The following PLCH2 variants were observed in gnomAD, a reference collection of about 807,000 sequenced individuals.
PLCH2 encodes 1-phosphatidylinositol 4,5-bisphosphate phosphodiesterase eta-2.
In PLCH2, 98 loss-of-function variants were observed where a neutral mutation model predicts 134.7. The observed-to-expected ratio is 0.73, with a 90% CI of 0.62 to 0.86. PLCH2 has a LOEUF of 0.86. PLCH2 is among the 40% of genes least tolerant of loss of function. The pLI is 0.00. For synonymous variants in PLCH2, 974 were observed against 827.5 expected (o/e 1.18, Z -3.04); for missense variants, 1,994 against 1,986.6 (o/e 1.00, Z -0.07).
chr1:2,435,939 T>TTCCTCCCTCCTCTCC (rs1323438163), intron 2 of PLCH2, among the ~76,000 whole-genome samples: 8 of 148,018 alleles, frequency 5.4e-5, no homozygotes, highest in South Asian at 2.2e-4. Flanking sequence ...CCCTCCTCCC[T>TTCCTCCCTCCTCTCC]TCCTCCCTCC....
In PLCH2 at chr1:2,504,114, C is replaced by T; in HGVS notation, c.3152C>T (p.Pro1051Leu). ...VASPLEDTEE[P>L]RDSRPRPCNG... The stretch of plus-strand genomic sequence containing the variant: ...AGCCCCCTAGAGGACACTGAGGAGC[C>T]CCGAGACAGCAGGCCTCGGCCGTGC... Residue 1051 changes from proline (P) to leucine (L), a missense_variant, in exon 22 of 22, where the codon CCC becomes CTC. Transcript: ENST00000378486. The T allele has an allele frequency of 6.6e-7, 1 of 1,524,748 alleles. No homozygotes were observed. The highest frequency in any genetic ancestry group is 8.8e-7 in the Non-Finnish European group (1 of 1,136,376). The allele number at this position is 1,524,748 out of a possible 1,614,324, so 94.5% of individuals were successfully genotyped here.
chr1:2,473,801 C>T (rs567986769), upstream of PLCH2, among the ~76,000 whole-genome samples: 17 of 152,238 alleles, frequency 1.1e-4, no homozygotes, highest in African/African-American at 3.9e-4. Flanking sequence ...TGAGCCAGGG[C>T]CCTCCTCTCC....
At chr1:2,420,786 C>G in the PLCH2 span, among the ~76,000 whole-genome samples, 6 of 152,328 alleles carry the variant, frequency 3.9e-5, no homozygotes, top group South Asian at 1.2e-3. Flanking sequence ...TCGATCGATT[C>G]ATTGCCTTTA....
chr1:2,432,645 G>A (rs1251164604), intron 2 of PLCH2, among the ~76,000 whole-genome samples: 1 of 152,174 alleles, frequency 6.6e-6, no homozygotes, highest in Non-Finnish European at 1.5e-5. Flanking sequence ...GGCATGATGA[G>A]GGTCTGAGCT....
intron 1 of PLCH2, among the ~76,000 whole-genome samples, chr1:2,471,056 C>T (rs369136439): frequency 1.3e-4 from 19 of 150,950 alleles, no homozygotes; most frequent in African/African-American, 3.7e-4. Flanking sequence ...GGGGGGCACT[C>T]GCGGTGGGGG....
chr1:2,437,691 C>A (rs142930676), intron 2 of PLCH2, among the ~76,000 whole-genome samples: 3 of 152,238 alleles, frequency 2.0e-5, no homozygotes, highest in Non-Finnish European at 2.9e-5. Flanking sequence ...CACATGCACA[C>A]GCACACACGA....
At chr1:2,449,542 C>T (rs1031889927) in intron 2 of PLCH2, among the ~76,000 whole-genome samples, 3 of 152,044 alleles carry the variant, frequency 2.0e-5, no homozygotes, top group African/African-American at 7.3e-5. Flanking sequence ...AACCAGCAAA[C>T]CAGGGTGTCA....
intron 4 of PLCH2, among the ~76,000 whole-genome samples, chr1:2,483,115 A>T (rs1267626926): frequency 2.0e-5 from 3 of 152,208 alleles, no homozygotes; most frequent in Non-Finnish European, 4.4e-5. Flanking sequence ...TGGTGGATGC[A>T]GCACCTCCTC....
At chr1:2,454,261 G>A (rs1053324937) in intron 2 of PLCH2, among the ~76,000 whole-genome samples, 3 of 152,258 alleles carry the variant, frequency 2.0e-5, no homozygotes, top group Non-Finnish European at 2.9e-5. Context: ...CCAGTTCCCC[G>A]ATGGCCAGTG....
In PLCH2 at chr1:2,496,864, C is replaced by T; in HGVS notation, c.1970C>T (p.Thr657Ile). 6.2e-7 allele frequency: 1 copy of T among 1,612,678 alleles called. No homozygotes were observed. Among genetic ancestry groups the T allele is most frequent in the Non-Finnish European group, 8.5e-7 (1 of 1,179,608 alleles). Residue 657 changes from threonine to isoleucine, a missense_variant, in exon 15 of 22, where the codon ACC becomes ATC. By Grantham distance (89) the Thr-to-Ile change is moderately conservative (BLOSUM62 -1). Coordinates refer to ENST00000378486, the MANE Select transcript of PLCH2 (RefSeq NM_014638.4). ...SSWQVSSFSE[T>I]KAHQILQQKP... ...TGGCAGGTGTCGTCCTTCAGCGAGA[C>T]CAAGGCCCACCAGATTCTGCAGCAG... is the stretch of plus-strand genomic sequence containing the variant.
rs547425261 is a variant in PLCH2 at position 2,450,184 on chromosome 1, C to T, written c.115+19555C>T. ...TGTCCCCTTCTTGGCTGGGCCTCGA[C>T]GGGGGGGCAGATATCGGGCACCTCC... On this transcript the variant is annotated intron_variant, in intron 2 of 3. Coordinates refer to the PLCH2 transcript ENST00000609981. 5.3e-5 allele frequency among the ~76,000 whole-genome samples: 8 copies of T among 152,014 alleles called. 1 individual carries two copies. The highest frequency in any genetic ancestry group is 7.4e-5 in the Non-Finnish European group (5 of 67,976).
intron 2 of PLCH2, chr1:2,479,256 C>A (rs892758389): frequency 2.4e-5 from 4 of 167,520 alleles, no homozygotes; most frequent in Non-Finnish European, 5.2e-5. Flanking sequence ...CCACTTTGGG[C>A]CCGTGGAGAG....
At chr1:2,434,237 C>A (rs766076178) in intron 2 of PLCH2, among the ~76,000 whole-genome samples, 2 of 152,224 alleles carry the variant, frequency 1.3e-5, no homozygotes, top group Admixed American at 6.5e-5. Flanking sequence ...CAGGGGGCAC[C>A]GCGCCTTCCC....
chr1:2,502,470 T>C, intron 21 of PLCH2, 61 bp downstream of exon 21: 1 of 1,481,224 alleles, frequency 6.8e-7, no homozygotes, highest in Non-Finnish European at 9.2e-7. Context: ...CCGCGTGTCC[T>C]GGACGGCCCC....
upstream of PLCH2, among the ~76,000 whole-genome samples, chr1:2,475,405 G>A (rs749083622): frequency 5.3e-5 from 8 of 152,264 alleles, no homozygotes; most frequent in Non-Finnish European, 7.3e-5. Context: ...CCAGGACACA[G>A]GTGGCTGGTG....
Position 2,451,556 on chromosome 1 carries a change from G to A in PLCH2, c.115+20927G>A, listed in dbSNP as rs1469985714. ...GGCCACCGTGAGGCCAGAGAGCCGC[G>A]ACCCACCAACATGTCCTATCACCGT... On this transcript the variant is annotated intron_variant, in intron 2 of 3. Transcript: ENST00000609981. Among the ~76,000 whole-genome samples the A allele has an allele frequency of 4.6e-5, 7 of 152,276 alleles. No homozygotes were observed. In the South Asian group the frequency reaches 8.3e-4, roughly 18 times the overall value.
At chr1:2,470,506 G>A (rs1641273670) in intron 1 of PLCH2, among the ~76,000 whole-genome samples, 1 of 152,196 alleles carries the variant, frequency 6.6e-6, no homozygotes, top group African/African-American at 2.4e-5. Flanking sequence ...GCATTCGTGG[G>A]GCTGCTCCCC....
chr1:2,494,780 C>A, intron 11 of PLCH2, 76 bp from the exon 12 acceptor site: 1 of 1,082,094 alleles, frequency 9.2e-7, no homozygotes, highest in South Asian at 1.3e-5. Flanking sequence ...CTTCTGGGAC[C>A]ACCAGGGGCT....
rs1027925816 is a variant in PLCH2, at chr1:2,427,810, C to T, written c.-178+1773C>T. Among the ~76,000 whole-genome samples, 7 of 152,026 alleles carry T rather than the reference C, an allele frequency of 4.6e-5. No individual in the cohort carries two copies. The South Asian group carries it at 8.3e-4, about 18-fold the overall frequency. ...GGAGCCCTCCAGAAGTGGGAGCCCT[C>T]CGGGGGTGGGAGCCCTCCAGGGGTG... is the stretch of plus-strand genomic sequence containing the variant. On this transcript the variant is annotated intron_variant, in intron 1 of 3. Transcript: ENST00000609981.
Sources: allele counts gnomAD v4.1 joint callset (sites outside exome capture counted in the v4.1 genomes callset), GRCh38; gene constraint gnomAD v4.1.1; transcripts MANE v1.5; gene names NCBI Gene and HGNC (gene_info 2026-07-23, HGNC 2026-07-21).